Variants in TMEM131 observed in about 807,000 individuals in gnomAD.
TMEM131 encodes the protein 2610524E03Rik.
Under a neutral mutation model 211.6 loss-of-function variants are expected in TMEM131, and 66 were observed. The observed-to-expected ratio is 0.31, with a 90% confidence interval of 0.26 to 0.38. TMEM131 has a LOEUF of 0.38. TMEM131 is among the 10% of genes least tolerant of loss of function. The pLI, the probability that TMEM131 is intolerant of heterozygous loss-of-function variation, is 1.00. For synonymous variants in TMEM131, 844 were observed against 841.3 expected (o/e 1.00, Z -0.06); for missense variants, 2,036 against 2,299.3 (o/e 0.89, Z 2.34).
At chr2:97,759,134 A>G (rs1678674563) in intron 39 of TMEM131, 81 bp from the exon 40 acceptor site, 3 of 1,555,814 alleles carry the variant, frequency 1.9e-6, no homozygotes, top group Non-Finnish European at 1.8e-6. Flanking sequence ...ACTCAATGGC[A>G]TACCTCCAAC....
intron 8 of TMEM131, among the ~76,000 whole-genome samples, chr2:97,836,509 G>A (rs1682947860): frequency 6.6e-6 from 1 of 152,036 alleles, no homozygotes; most frequent in African/African-American, 2.4e-5. Context: ...TTATAAATAA[G>A]GTTCTCTTAC....
At chr2:97,792,303 C>T in intron 31 of TMEM131, 83 bp downstream of exon 31, 2 of 1,195,788 alleles carry the variant, frequency 1.7e-6, no homozygotes, top group Non-Finnish European at 2.3e-6. Flanking sequence ...TTGTTTACCA[C>T]AACTATAATC....
Position 97,795,107 on chromosome 2 carries a change from G to A in TMEM131, c.3209C>T (p.Pro1070Leu). Residue 1070 changes from proline to leucine, a missense_variant, in exon 29 of 41, where the codon CCT (proline) becomes CTT (leucine). Around this residue, in one of 3 missense-constraint regions of TMEM131, gnomAD observed 1,623 missense variants for 1,805.9 expected, o/e 0.90. Coordinates refer to ENST00000186436, the MANE Select transcript of TMEM131 (RefSeq NM_015348.2). ...ASRDIIILFTPDFTASRVIRE... is the reference protein window; with the variant it reads ...ASRDIIILFTLDFTASRVIRE... ...AATAACTCTAGAAGCTGTAAAATCA[G>A]GAGTAAACCTAAAACAGAATGATGG... 6.2e-7 allele frequency: 1 copy of A among 1,611,346 alleles called. No homozygotes were observed. Among genetic ancestry groups the A allele is most frequent in the Non-Finnish European group, 8.5e-7 (1 of 1,178,678 alleles).
At chr2:97,890,483 G>A (rs1339962507) in intron 3 of TMEM131, among the ~76,000 whole-genome samples, 1 of 152,208 alleles carries the variant, frequency 6.6e-6, no homozygotes, top group East Asian at 1.9e-4. Context: ...TCATGACATG[G>A]GAGGAGTGGG....
chr2:97,837,789 G>A (rs549604913), intron 7 of TMEM131, among the ~76,000 whole-genome samples: 1 of 152,180 alleles, frequency 6.6e-6, no homozygotes, highest in South Asian at 2.1e-4. Context: ...CCTGACCTAT[G>A]TGTTTGGGCA....
intron 1 of TMEM131, among the ~76,000 whole-genome samples, chr2:97,974,164 A>G (rs941805402): frequency 2.6e-5 from 4 of 152,246 alleles, no homozygotes; most frequent in Non-Finnish European, 5.9e-5. Context: ...AAGACAAATT[A>G]TACTTCCAGA....
At chr2:97,943,230 A>C (rs938404429) in intron 1 of TMEM131, among the ~76,000 whole-genome samples, 2 of 152,106 alleles carry the variant, frequency 1.3e-5, no homozygotes, top group African/African-American at 4.8e-5. Flanking sequence ...CCTGGGCAAC[A>C]AGGCAAGACC....
At chr2:97,877,280 C>G (rs1340237429) in intron 4 of TMEM131, among the ~76,000 whole-genome samples, 1 of 152,112 alleles carries the variant, frequency 6.6e-6, no homozygotes, top group Non-Finnish European at 1.5e-5. Flanking sequence ...GCCATACTGC[C>G]CAAAGTAATT....
intron 5 of TMEM131, among the ~76,000 whole-genome samples, chr2:97,855,699 C>CAA (rs36041076): frequency 7.4e-5 from 9 of 121,140 alleles, no homozygotes; most frequent in Admixed American, 3.3e-4. Context: ...GACCCTGTCT[C>CAA]AAAAAAAAAA....
In TMEM131 at chr2:97,973,969, A is replaced by G. The variant is rs78771847; in HGVS notation, c.187+21507T>C. On this transcript the variant is annotated intron_variant, in intron 1 of 40. Transcript: ENST00000186436. ...AGCACCCAACAACGTAAAATTTGCAATATCTGGCATCCAATCAAAGATTAT... is the reference window on the plus strand; with the variant it reads ...AGCACCCAACAACGTAAAATTTGCAGTATCTGGCATCCAATCAAAGATTAT... Among the ~76,000 whole-genome samples, 230 of 152,372 alleles carry G rather than the reference A, an allele frequency of 1.5e-3. 4 individuals are homozygous for G. The East Asian group carries it at 0.038, about 25-fold the overall frequency.
intron 3 of TMEM131, among the ~76,000 whole-genome samples, chr2:97,906,223 T>C (rs918352945): frequency 6.6e-6 from 1 of 152,200 alleles, no homozygotes; most frequent in Non-Finnish European, 1.5e-5. Context: ...TAAATGTCTG[T>C]TGTTTAAGCC....
chr2:97,786,798 T>C (rs548642943), intron 31 of TMEM131, among the ~76,000 whole-genome samples: 2 of 152,242 alleles, frequency 1.3e-5, no homozygotes, highest in Non-Finnish European at 1.5e-5. Flanking sequence ...ACAGAAAGGA[T>C]CTATGTGAAG....
intron 2 of TMEM131, among the ~76,000 whole-genome samples, chr2:97,914,382 T>G (rs767207373): frequency 2.0e-5 from 3 of 152,222 alleles, no homozygotes; most frequent in Non-Finnish European, 4.4e-5. Context: ...TCAGAAGGTC[T>G]CAGTTTTGTA....
intron 11 of TMEM131, among the ~76,000 whole-genome samples, chr2:97,823,269 A>G (rs1420611282): frequency 6.6e-6 from 1 of 152,064 alleles, no homozygotes; most frequent in Non-Finnish European, 1.5e-5. Flanking sequence ...GCTATCGGTT[A>G]TGTCCCCTTC....
intron 1 of TMEM131, among the ~76,000 whole-genome samples, chr2:97,943,552 A>G (rs1353333099): frequency 6.6e-6 from 1 of 152,242 alleles, no homozygotes; most frequent in African/African-American, 2.4e-5. Context: ...TGGTATTCAT[A>G]AGCTAGAATA....
At position 97,792,567 on chromosome 2, in the gene TMEM131, C is replaced by A; in HGVS notation, c.3963G>T (p.Leu1321=). 3 of 1,613,304 alleles carry A rather than the reference C, an allele frequency of 1.9e-6. No individual in the cohort carries two copies. Among genetic ancestry groups the A allele is most frequent in the South Asian group, 2.2e-5 (2 of 90,966 alleles). The change falls in exon 31 of 41, where the codon CTG becomes CTT. Residue 1321 remains leucine, a synonymous_variant. Coordinates refer to ENST00000186436, the MANE Select transcript of TMEM131 (RefSeq NM_015348.2). ...AAGGGTGTGCGAGGGGGGCGGGAGA[C>A]AGCCTTTCAGGCTGCGGCTCCTGGG... is the stretch of plus-strand genomic sequence containing the variant. ...PQPQEPQPER[L]SPAPLAHPSH...
At chr2:97,964,693 C>T (rs941996975) in intron 1 of TMEM131, among the ~76,000 whole-genome samples, 1 of 152,212 alleles carries the variant, frequency 6.6e-6, no homozygotes, top group East Asian at 1.9e-4. Flanking sequence ...CTAACCATAT[C>T]TCCTAAATGC....
At chr2:97,980,872 A>G (rs555583224) in intron 1 of TMEM131, among the ~76,000 whole-genome samples, 9 of 152,134 alleles carry the variant, frequency 5.9e-5, no homozygotes, top group African/African-American at 2.2e-4. Flanking sequence ...AGAGAAAATT[A>G]CAGTGACACA....
Position 97,827,670 on chromosome 2 carries a change from G to A in TMEM131, c.1074+5695C>T, listed in dbSNP as rs1268619561. 4 of 912,076 alleles carry A rather than the reference G, an allele frequency of 4.4e-6. No homozygotes were observed. In the East Asian group the frequency reaches 1.1e-4, roughly 24 times the overall value. The allele number at this position is 912,076 out of a possible 1,614,324, so 56.5% of individuals were successfully genotyped here. ...TTAGTAGCTCTAGAAACATTTTTAA[G>A]AAGGAGGGAATCCCACCTCATCCCA... On this transcript the variant is annotated intron_variant, in intron 11 of 40. Coordinates refer to ENST00000186436, the MANE Select transcript of TMEM131 (RefSeq NM_015348.2).
Sources: allele counts gnomAD v4.1 joint callset (sites outside exome capture counted in the v4.1 genomes callset), GRCh38; gene constraint gnomAD v4.1.1; regional missense constraint gnomAD v4.1.1; transcripts MANE v1.5; gene names NCBI Gene and HGNC (gene_info 2026-07-23, HGNC 2026-07-21).